KLF12: variants seen among roughly 807,000 people sequenced by gnomAD.
KLF12 encodes Krueppel-like factor 12.
Under a neutral mutation model 37.8 loss-of-function variants are expected in KLF12, and 9 were observed. The ratio of observed to expected loss-of-function variants is 0.24; its 90% confidence interval spans 0.14 to 0.42. The LOEUF is 0.42. KLF12 is among the 10% of genes least tolerant of loss of function. KLF12 has a pLI of 1.00. For synonymous variants in KLF12, 208 were observed against 202.1 expected (o/e 1.03, Z -0.25); for missense variants, 411 against 516.0 (o/e 0.80, Z 1.97).
chr13:74,191,410 G>A, the KLF12 span, among the ~76,000 whole-genome samples: 22 of 152,208 alleles, frequency 1.4e-4, no homozygotes, highest in Middle Eastern at 3.4e-3. Flanking sequence ...TTATTTTGTT[G>A]AGTTATATTT....
chr13:74,054,702 T>A (rs911784337), intron 1 of KLF12, among the ~76,000 whole-genome samples: 1 of 152,216 alleles, frequency 6.6e-6, no homozygotes, highest in African/African-American at 2.4e-5. Context: ...ATATCAAGGT[T>A]CCTATACATT....
chr13:74,041,629 G>C (rs1315160712), intron 1 of KLF12, among the ~76,000 whole-genome samples: 1 of 151,328 alleles, frequency 6.6e-6, no homozygotes, highest in Non-Finnish European at 1.5e-5. Context: ...CCACGGCTCA[G>C]CGTAATGAAA....
the KLF12 span, among the ~76,000 whole-genome samples, chr13:74,265,038 G>A: frequency 4.3e-3 from 661 of 152,196 alleles, 3 homozygotes; most frequent in African/African-American, 0.015. Flanking sequence ...TAAAATGACC[G>A]AATTTATAAC....
intron 4 of KLF12, among the ~76,000 whole-genome samples, chr13:73,817,091 A>G (rs989989808): frequency 8.5e-5 from 13 of 152,138 alleles, no homozygotes; most frequent in Non-Finnish European, 2.9e-5. Context: ...CTGAGGCAGG[A>G]GGACTGCTTG....
chr13:74,269,393 C>G, the KLF12 span, among the ~76,000 whole-genome samples: 2 of 152,020 alleles, frequency 1.3e-5, no homozygotes, highest in African/African-American at 4.8e-5. Context: ...ATAGAGCACA[C>G]CACTATTTCA....
chr13:74,030,669 G>A (rs149115733), intron 1 of KLF12, among the ~76,000 whole-genome samples: 3 of 152,034 alleles, frequency 2.0e-5, no homozygotes, highest in African/African-American at 4.8e-5. Context: ...GAAGCCTATA[G>A]CAAACAATAA....
At chr13:73,818,231 C>T (rs1003568704) in intron 4 of KLF12, among the ~76,000 whole-genome samples, 26 of 152,234 alleles carry the variant, frequency 1.7e-4, no homozygotes, top group African/African-American at 6.0e-4. Context: ...CTGCAACCTC[C>T]GCCTCCCAGA....
At chr13:74,177,755 C>T in the KLF12 span, among the ~76,000 whole-genome samples, 4 of 152,174 alleles carry the variant, frequency 2.6e-5, no homozygotes, top group Non-Finnish European at 5.9e-5. Context: ...GCCAGACAGA[C>T]TTGCAGGAGG....
At chr13:73,993,070 A>T (rs1892014373) in intron 2 of KLF12, among the ~76,000 whole-genome samples, 1 of 152,146 alleles carries the variant, frequency 6.6e-6, no homozygotes, top group South Asian at 2.1e-4. Context: ...TGTCTCTACT[A>T]AAAATACAAA....
the KLF12 span, among the ~76,000 whole-genome samples, chr13:74,289,541 A>G: frequency 6.6e-6 from 1 of 152,352 alleles, no homozygotes. Context: ...TTTATAGTCA[A>G]CATTCTGTAT....
chr13:74,290,213 G>C, the KLF12 span, among the ~76,000 whole-genome samples: 1,337 of 152,272 alleles, frequency 8.8e-3, 21 homozygotes, highest in African/African-American at 0.03. Flanking sequence ...TGCAGCCGTT[G>C]ACACCACGAA....
At chr13:74,045,640 A>G (rs1229444394) in intron 1 of KLF12, among the ~76,000 whole-genome samples, 1 of 152,100 alleles carries the variant, frequency 6.6e-6, no homozygotes, top group East Asian at 1.9e-4. Flanking sequence ...AAAAAAAAAA[A>G]AAATAGATCC....
chr13:74,102,691 C>G (rs979061528), intron 1 of KLF12, among the ~76,000 whole-genome samples: 1 of 151,380 alleles, frequency 6.6e-6, no homozygotes, highest in Non-Finnish European at 1.5e-5. Flanking sequence ...TAGTGAAACT[C>G]TGTCTCAAAA....
At chr13:74,206,355 G>A in the KLF12 span, among the ~76,000 whole-genome samples, 1 of 152,112 alleles carries the variant, frequency 6.6e-6, no homozygotes, top group Admixed American at 6.6e-5. Flanking sequence ...TTTACTTAGA[G>A]GTTATGGACT....
chr13:74,171,825 A>G, the KLF12 span, among the ~76,000 whole-genome samples: 3 of 152,188 alleles, frequency 2.0e-5, no homozygotes, highest in African/African-American at 7.2e-5. Context: ...ATCTGCAAAG[A>G]ATTATTTCTG....
At chr13:73,822,248 G>C (rs1883569872) in intron 4 of KLF12, among the ~76,000 whole-genome samples, 1 of 152,186 alleles carries the variant, frequency 6.6e-6, no homozygotes, top group Non-Finnish European at 1.5e-5. Flanking sequence ...ATTCTCTGAA[G>C]TCTTAGATTA....
intron 1 of KLF12, among the ~76,000 whole-genome samples, chr13:74,004,563 G>A (rs903906573): frequency 2.6e-5 from 4 of 152,104 alleles, no homozygotes; most frequent in African/African-American, 9.7e-5. Context: ...CAACAGTGTG[G>A]TATCTTTTTT....
chr13:73,977,051 CTTT>C (rs113481989), intron 2 of KLF12, among the ~76,000 whole-genome samples: 14 of 139,650 alleles, frequency 1.0e-4, no homozygotes, highest in Non-Finnish European at 9.4e-5. Context: ...AGACAACATA[CTTT>C]TTTTTTTTTT....
At chr13:73,701,171 A>T (rs890856316) in intron 7 of KLF12, among the ~76,000 whole-genome samples, 9 of 152,130 alleles carry the variant, frequency 5.9e-5, no homozygotes, top group African/African-American at 2.2e-4. Flanking sequence ...TGGGACAATA[A>T]ATGGAGTCAG....
Sources: gnomAD v4.1 joint callset for allele counts (sites outside exome capture counted in the v4.1 genomes callset) on GRCh38, gnomAD v4.1.1 for gene constraint, MANE v1.5 for transcripts, NCBI Gene and HGNC (gene_info 2026-07-23, HGNC 2026-07-21) for gene names.